The following EAF2 variants were observed in gnomAD, a reference collection of about 807,000 sequenced individuals.
EAF2 encodes ELL associated factor 2, also known as ELL-associated factor 2.
Under a neutral mutation model 29.4 loss-of-function variants are expected in EAF2, and 29 were observed. The observed-to-expected ratio is 0.99, with a 90% CI of 0.73 to 1.35. EAF2 has a LOEUF of 1.35. Ranked by LOEUF, EAF2 falls within the 40% of genes most tolerant of loss-of-function variation. EAF2 has a pLI of 0.00. For synonymous variants in EAF2, 103 were observed against 102.5 expected, an observed-to-expected ratio of 1.00 and a Z score of -0.03; for missense variants, 292 against 312.0, an observed-to-expected ratio of 0.94 and a Z score of 0.48.
intron 4 of EAF2, 120 bp from the exon 5 acceptor site, chr3:121,872,417 T>C: frequency 7.9e-6 from 6 of 758,832 alleles, no homozygotes; most frequent in Non-Finnish European, 1.2e-5. Flanking sequence ...CTTCAAGTAC[T>C]GTAAATGTAT....
At chr3:121,848,554 GA>G (rs1305750420) in intron 2 of EAF2, among the ~76,000 whole-genome samples, 4 of 150,760 alleles carry the variant, frequency 2.7e-5, no homozygotes, top group African/African-American at 9.8e-5. Flanking sequence ...TGTCTTCTAT[GA>G]AATTTTTGTC....
In EAF2 at chr3:121,857,146, T is replaced by A. The variant is rs577361139; in HGVS notation, c.474T>A (p.Asp158Glu). The stretch of plus-strand genomic sequence containing the variant: ...TGTCCCCAGCATCTCCAATAGATGA[T>A]ATCGAAAGAGGTAAAATCTAAGTAT... ...DKMSPASPID[D>E]IERELKAEAS... Residue 158 changes from aspartate to glutamate, a missense_variant, in exon 4 of 6, where the codon GAT becomes GAA. By Grantham distance (45) the Asp-to-Glu change is conservative (BLOSUM62 2). Coordinates refer to ENST00000273668, the MANE Select transcript of EAF2 (RefSeq NM_018456.6). The A allele has an allele frequency of 8.7e-6, 14 of 1,609,016 alleles. 1 individual carries two copies. In the South Asian group the frequency reaches 1.4e-4, roughly 17 times the overall value.
intron 4 of EAF2, among the ~76,000 whole-genome samples, chr3:121,858,839 T>C (rs1361197497): frequency 6.6e-6 from 1 of 152,224 alleles, no homozygotes; most frequent in Non-Finnish European, 1.5e-5. Context: ...CTTGAATTAA[T>C]TTTTATATAA....
At chr3:121,866,748 TAAAAAG>T (rs1559826424) in intron 4 of EAF2, among the ~76,000 whole-genome samples, 1 of 151,212 alleles carries the variant, frequency 6.6e-6, no homozygotes, top group Non-Finnish European at 1.5e-5. Flanking sequence ...AAATAAAAAA[TAAAAAG>T]AAAAAGAAAA....
At chr3:121,872,419 TA>T in intron 4 of EAF2, 117 bp from the exon 5 acceptor site, 1 of 782,288 alleles carries the variant, frequency 1.3e-6, no homozygotes, top group Non-Finnish European at 1.9e-6. Flanking sequence ...TCAAGTACTG[TA>T]AATGTATGTT....
At chr3:121,840,515 A>AAAC (rs1553725710) in intron 1 of EAF2, among the ~76,000 whole-genome samples, 503 of 97,800 alleles carry the variant, frequency 5.1e-3, no homozygotes, top group Non-Finnish European at 7.4e-3. Context: ...AAAAGAAAAA[A>AAAC]AAAAAACGGG....
chr3:121,858,989 G>C (rs1357755444), intron 4 of EAF2, among the ~76,000 whole-genome samples: 2 of 152,162 alleles, frequency 1.3e-5, no homozygotes, highest in African/African-American at 4.8e-5. Context: ...TAGATGTGTG[G>C]TGTGATTTCT....
chr3:121,835,832 G>T (rs1043804085), intron 1 of EAF2, among the ~76,000 whole-genome samples: 11 of 152,076 alleles, frequency 7.2e-5, no homozygotes, highest in Non-Finnish European at 1.5e-4. Flanking sequence ...GGCAGATGAG[G>T]GTTCTTATTT....
At chr3:121,837,786 A>C (rs2107488915) in intron 1 of EAF2, 1 of 152,326 alleles carries the variant, frequency 6.6e-6, no homozygotes, top group East Asian at 1.9e-4. Flanking sequence ...ATAGTCTGGC[A>C]TGTGGTAGGA....
intron 5 of EAF2, among the ~76,000 whole-genome samples, chr3:121,876,861 T>A (rs1475141176): frequency 6.6e-6 from 1 of 151,816 alleles, no homozygotes. Context: ...ACAGAAAATA[T>A]GAAGTAGAAA....
At chr3:121,848,411 T>C (rs1013996939) in intron 2 of EAF2, among the ~76,000 whole-genome samples, 2 of 152,238 alleles carry the variant, frequency 1.3e-5, no homozygotes, top group Non-Finnish European at 1.5e-5. Context: ...GATCTGCTAA[T>C]GAATTCTCTT....
chr3:121,845,440 C>CAAAAAAAA (rs747436052), intron 2 of EAF2, among the ~76,000 whole-genome samples: 13 of 59,816 alleles, frequency 2.2e-4, no homozygotes, highest in South Asian at 8.1e-4. Flanking sequence ...TCCTACATCT[C>CAAAAAAAA]AAAAAAAAAA....
chr3:121,847,527 A>G (rs972505819), intron 2 of EAF2, among the ~76,000 whole-genome samples: 1 of 152,238 alleles, frequency 6.6e-6, no homozygotes, highest in African/African-American at 2.4e-5. Flanking sequence ...AAAGGCGTGC[A>G]TATGAGGACA....
intron 5 of EAF2, among the ~76,000 whole-genome samples, chr3:121,874,005 G>A (rs142824067): frequency 3.2e-4 from 49 of 151,816 alleles, no homozygotes; most frequent in African/African-American, 1.0e-3. Flanking sequence ...AGAGTATAAT[G>A]TTCCATGAGA....
At chr3:121,865,057 T>C (rs540188870) in intron 4 of EAF2, among the ~76,000 whole-genome samples, 5 of 152,148 alleles carry the variant, frequency 3.3e-5, no homozygotes, top group Non-Finnish European at 7.3e-5. Flanking sequence ...CATGTGGTAG[T>C]TTTTTAATAG....
intron 5 of EAF2, among the ~76,000 whole-genome samples, chr3:121,880,069 A>G (rs1386836570): frequency 6.6e-6 from 1 of 151,958 alleles, no homozygotes; most frequent in Non-Finnish European, 1.5e-5. Context: ...TCAGTGTTTT[A>G]TAGTCTTCCT....
At chr3:121,842,697 A>G (rs1289913205) in intron 1 of EAF2, among the ~76,000 whole-genome samples, 1 of 152,152 alleles carries the variant, frequency 6.6e-6, no homozygotes, top group Non-Finnish European at 1.5e-5. Flanking sequence ...GGCTTCTTCT[A>G]CTTTATCTCT....
chr3:121,873,680 G>A (rs774391094), intron 5 of EAF2, among the ~76,000 whole-genome samples: 13 of 151,516 alleles, frequency 8.6e-5, no homozygotes, highest in Non-Finnish European at 1.9e-4. Context: ...TAACATAATC[G>A]TCTTGATTTT....
At chr3:121,852,248 G>A (rs1189071422) in intron 2 of EAF2, among the ~76,000 whole-genome samples, 4 of 152,138 alleles carry the variant, frequency 2.6e-5, no homozygotes, top group Non-Finnish European at 5.9e-5. Flanking sequence ...CTAATTAAGA[G>A]TACAGATATC....
Sources: gnomAD v4.1 joint callset for allele counts (sites outside exome capture counted in the v4.1 genomes callset) on GRCh38, gnomAD v4.1.1 for gene constraint, MANE v1.5 for transcripts, NCBI Gene and HGNC (gene_info 2026-07-23, HGNC 2026-07-21) for gene names.